Variants in PSMA8 observed in about 807,000 individuals in gnomAD.
PSMA8 encodes proteasome subunit alpha-type 8.
PSMA8 carries 18 observed loss-of-function variants against 32.4 expected under a neutral mutation model. That is an observed-to-expected ratio of 0.56 (90% CI 0.38 to 0.82). PSMA8 has a LOEUF of 0.82. Ranked by LOEUF, PSMA8 falls within the 40% of genes least tolerant of loss-of-function variation. PSMA8 has a pLI of 0.00. For missense variants in PSMA8, 298 were observed against 300.7 expected (o/e 0.99, Z 0.07); for synonymous variants, 104 against 98.1 (o/e 1.06, Z -0.36).
intron 6 of PSMA8, among the ~76,000 whole-genome samples, chr18:26,188,386 G>T (rs2055374034): frequency 6.8e-6 from 1 of 147,920 alleles, no homozygotes; most frequent in African/African-American, 2.5e-5. Flanking sequence ...TGGATTGGAA[G>T]AATCAATGTT....
intron 2 of PSMA8, among the ~76,000 whole-genome samples, chr18:26,150,880 T>C (rs188174969): frequency 1.3e-5 from 2 of 152,336 alleles, no homozygotes; most frequent in East Asian, 3.9e-4. Context: ...TAGGAAAGAC[T>C]ATAAATACAT....
chr18:26,188,646 CAT>C (rs2055376217), intron 6 of PSMA8, among the ~76,000 whole-genome samples: 1 of 151,996 alleles, frequency 6.6e-6, no homozygotes, highest in South Asian at 2.1e-4. Context: ...AAGACAGACA[CAT>C]AGATTAATTA....
At chr18:26,134,367 C>CTCTG (rs376992859) in intron 1 of PSMA8, among the ~76,000 whole-genome samples, 1 of 131,910 alleles carries the variant, frequency 7.6e-6, no homozygotes, top group Admixed American at 7.5e-5. Flanking sequence ...GTGTGTGTCT[C>CTCTG]TGTGTGTGTG....
At chr18:26,160,895 G>A (rs1018789247) in intron 4 of PSMA8, among the ~76,000 whole-genome samples, 5 of 152,186 alleles carry the variant, frequency 3.3e-5, no homozygotes, top group African/African-American at 1.2e-4. Flanking sequence ...CTGCCATAAT[G>A]GGTAATAGTG....
At chr18:26,173,722 A>G (rs1194960618) in intron 4 of PSMA8, among the ~76,000 whole-genome samples, 1 of 151,912 alleles carries the variant, frequency 6.6e-6, no homozygotes, top group Non-Finnish European at 1.5e-5. Flanking sequence ...ACGCCTGGCT[A>G]ATTTTGTATT....
At chr18:26,171,331 G>T in intron 4 of PSMA8, 1 of 1,464,660 alleles carries the variant, frequency 6.8e-7, no homozygotes, top group South Asian at 1.1e-5. Context: ...ACAGCAGAAC[G>T]CGCGGTCAAG....
At chr18:26,157,459 C>T (rs777735302) in intron 3 of PSMA8, among the ~76,000 whole-genome samples, 4 of 151,866 alleles carry the variant, frequency 2.6e-5, no homozygotes, top group Non-Finnish European at 2.9e-5. Context: ...TTTTGGGGCA[C>T]GAGTCTCAGT....
intron 4 of PSMA8, among the ~76,000 whole-genome samples, chr18:26,161,316 G>A (rs902344368): frequency 2.6e-5 from 4 of 152,180 alleles, no homozygotes; most frequent in African/African-American, 4.8e-5. Context: ...GTAGGCATGT[G>A]AAAAATGAAT....
chr18:26,151,952 C>T lies in PSMA8; in HGVS notation c.324C>T (p.Tyr108=), dbSNP rs1456412342. 5 of 1,605,208 alleles carry T rather than the reference C, an allele frequency of 3.1e-6. No homozygotes were observed. The highest frequency in any genetic ancestry group is 2.2e-5 in the South Asian group (2 of 88,968). ...LTVEDPVTVE[Y]ITRFIATLKQ... ...TTGAGGACCCAGTCACTGTAGAATA[C>T]ATAACTCGCTTCATAGCAACTTTAA... The change falls in exon 3 of 7, where the codon TAC becomes TAT. Residue 108 remains tyrosine, a synonymous_variant. Transcript: ENST00000415576.
rs1202043765 is a variant in PSMA8, at chr18:26,171,056, G to C, written c.478-7774G>C. On this transcript the variant is annotated intron_variant, in intron 4 of 6. Transcript: ENST00000415576. ...CTTGTGGAGGTTCCTTGAGTTCTCT[G>C]CTGAGAACTAAATTAATTCTACCCT... 4.5e-6 allele frequency: 7 copies of C among 1,558,498 alleles called. No individual in the cohort carries two copies. In the South Asian group the frequency reaches 6.7e-5, roughly 15 times the overall value.
At chr18:26,134,273 CT>C (rs144024915) in intron 1 of PSMA8, among the ~76,000 whole-genome samples, 2,351 of 152,014 alleles carry the variant, frequency 0.015, 31 homozygotes, top group Non-Finnish European at 0.024. Context: ...TAGATTTCCC[CT>C]ATCTCTGCTG....
intron 1 of PSMA8, 114 bp from the exon 2 acceptor site, chr18:26,144,445 G>T (rs1304120224): frequency 1.2e-6 from 1 of 843,646 alleles, no homozygotes; most frequent in African/African-American, 1.7e-5. Context: ...TACTTTTCTT[G>T]TTTTTATTGA....
chr18:26,175,250 C>A (rs2055254610), intron 4 of PSMA8, among the ~76,000 whole-genome samples: 1 of 152,154 alleles, frequency 6.6e-6, no homozygotes, highest in African/African-American at 2.4e-5. Flanking sequence ...TAGCAGAGAC[C>A]TTGTCCTTCC....
chr18:26,152,340 T>G (rs547336564), intron 3 of PSMA8, among the ~76,000 whole-genome samples: 4 of 152,310 alleles, frequency 2.6e-5, no homozygotes, highest in African/African-American at 7.2e-5. Context: ...TTTTGTGTTT[T>G]TTGAGACAGG....
intron 4 of PSMA8, among the ~76,000 whole-genome samples, chr18:26,176,882 G>A (rs901185658): frequency 9.9e-5 from 15 of 152,086 alleles, no homozygotes; most frequent in Non-Finnish European, 8.8e-5. Context: ...GCAGTGAAAC[G>A]AAATCACGCC....
intron 6 of PSMA8, among the ~76,000 whole-genome samples, chr18:26,182,844 A>T (rs903316205): frequency 6.6e-6 from 1 of 152,198 alleles, no homozygotes; most frequent in Non-Finnish European, 1.5e-5. Context: ...TAATCCCAGC[A>T]CTTTGGGAGG....
intron 6 of PSMA8, among the ~76,000 whole-genome samples, chr18:26,180,156 G>A (rs1179258036): frequency 1.3e-5 from 2 of 152,136 alleles, no homozygotes; most frequent in African/African-American, 4.8e-5. Flanking sequence ...GGAAGGCTGA[G>A]GCAGGAGAAT....
At position 26,163,213 on chromosome 18, in the gene PSMA8, G is replaced by GTATATATATATA. The variant is rs58945617; in HGVS notation, c.477+5007_477+5018dup. 6.8e-4 allele frequency among the ~76,000 whole-genome samples: 55 copies of GTATATATATATA among 80,886 alleles called. 1 individual carries two copies. The highest frequency in any genetic ancestry group is 9.1e-4 in the Non-Finnish European group (39 of 43,088). The allele number at this position is 80,886 out of a possible 152,430, so 53.1% of individuals were successfully genotyped here. ...AGGTGGTGTGTGTTTATGTGTGTGT[G>GTATATATATATA]TATATATATATATATATATATATAT... On this transcript the variant is annotated intron_variant, in intron 4 of 6. Transcript: ENST00000415576.
chr18:26,180,852 G>C (rs1310099281), intron 6 of PSMA8, among the ~76,000 whole-genome samples: 1 of 152,148 alleles, frequency 6.6e-6, no homozygotes, highest in East Asian at 1.9e-4. Flanking sequence ...ACATGCTTTG[G>C]AGTTGGTAGA....
Sources: gnomAD v4.1 joint callset for allele counts (sites outside exome capture counted in the v4.1 genomes callset) on GRCh38, gnomAD v4.1.1 for gene constraint, MANE v1.5 for transcripts, NCBI Gene and HGNC (gene_info 2026-07-23, HGNC 2026-07-21) for gene names.